Variants in CGNL1 observed in about 807,000 individuals in gnomAD.
CGNL1 encodes cingulin like 1, also known as cingulin-like protein 1.
A neutral mutation model predicts 141.2 loss-of-function variants in CGNL1; 132 were observed. The ratio of observed to expected loss-of-function variants is 0.93; its 90% CI spans 0.81 to 1.08. The LOEUF (loss-of-function observed/expected upper bound fraction) is 1.08, where lower values mean the gene tolerates loss of function less well. CGNL1 is among the 50% of genes least tolerant of loss of function. The pLI is 0.00. For synonymous variants in CGNL1, 690 were observed against 622.1 expected (o/e 1.11, Z -1.63); for missense variants, 1,870 against 1,588.6 (o/e 1.18, Z -3.01).
At chr15:57,524,282 A>G (rs1248989827) in intron 11 of CGNL1, among the ~76,000 whole-genome samples, 1 of 152,214 alleles carries the variant, frequency 6.6e-6, no homozygotes, top group African/African-American at 2.4e-5. Flanking sequence ...CAGTGTGGAC[A>G]TGGCCAGGGC....
intron 1 of CGNL1, among the ~76,000 whole-genome samples, chr15:57,405,799 T>C (rs868809599): frequency 1.9e-4 from 15 of 79,544 alleles, no homozygotes; most frequent in Middle Eastern, 5.7e-3. Flanking sequence ...TCTTTCTTTC[T>C]TTCTTTCTTT....
At chr15:57,476,243 G>A (rs2063656138) in intron 8 of CGNL1, among the ~76,000 whole-genome samples, 2 of 152,288 alleles carry the variant, frequency 1.3e-5, no homozygotes, top group South Asian at 4.1e-4. Flanking sequence ...AGGGAGTGAG[G>A]CTTGGGTGAG....
chr15:57,482,920 G>A (rs1196522085), intron 8 of CGNL1, among the ~76,000 whole-genome samples: 1 of 152,014 alleles, frequency 6.6e-6, no homozygotes, highest in East Asian at 1.9e-4. Context: ...AAGTAGCTGG[G>A]ATTACAGGCA....
chr15:57,452,316 C>T (rs1417880142), intron 6 of CGNL1, 27 bp downstream of exon 6: 1 of 1,603,394 alleles, frequency 6.2e-7, no homozygotes. Context: ...GAGCCTGTTG[C>T]CCTTCCCAGG....
chr15:57,496,439 C>T (rs1244308060), intron 8 of CGNL1, among the ~76,000 whole-genome samples: 5 of 152,042 alleles, frequency 3.3e-5, no homozygotes, highest in African/African-American at 9.7e-5. Flanking sequence ...GTTGCATTCT[C>T]GTTATGAGAA....
At chr15:57,440,818 T>A (rs1462112902) in intron 3 of CGNL1, among the ~76,000 whole-genome samples, 3 of 152,178 alleles carry the variant, frequency 2.0e-5, no homozygotes, top group Admixed American at 6.5e-5. Context: ...CCGTGCAATG[T>A]GGTAGTCCTT....
intron 1 of CGNL1, among the ~76,000 whole-genome samples, chr15:57,427,041 G>C (rs1365757023): frequency 6.6e-6 from 1 of 152,130 alleles, no homozygotes; most frequent in East Asian, 1.9e-4. Flanking sequence ...GGGCTGGTGA[G>C]AGCAAGGCAC....
chr15:57,419,307 C>A (rs1489200695), intron 1 of CGNL1, among the ~76,000 whole-genome samples: 4 of 152,176 alleles, frequency 2.6e-5, no homozygotes, highest in Non-Finnish European at 5.9e-5. Context: ...TTGCAAAGAT[C>A]ATACAGAAAC....
chr15:57,412,826 CCTT>C (rs2062805426), intron 1 of CGNL1, among the ~76,000 whole-genome samples: 1 of 152,202 alleles, frequency 6.6e-6, no homozygotes, highest in Non-Finnish European at 1.5e-5. Context: ...CTACTCCCCT[CCTT>C]CTGTACCCAG....
chr15:57,465,978 G>T (rs1298617562), intron 8 of CGNL1, among the ~76,000 whole-genome samples: 1 of 152,236 alleles, frequency 6.6e-6, no homozygotes, highest in African/African-American at 2.4e-5. Flanking sequence ...AGAACAGTTT[G>T]ATTGCTCAGT....
intron 1 of CGNL1, among the ~76,000 whole-genome samples, chr15:57,414,576 T>C (rs189404470): frequency 4.9e-4 from 74 of 152,258 alleles, no homozygotes; most frequent in African/African-American, 1.8e-3. Context: ...AAACTAGATA[T>C]ATCATTTCCA....
At chr15:57,406,653 G>A (rs989494816) in intron 1 of CGNL1, among the ~76,000 whole-genome samples, 2 of 152,124 alleles carry the variant, frequency 1.3e-5, no homozygotes, top group Admixed American at 6.5e-5. Flanking sequence ...CAGGAAACCC[G>A]ACACCCGTCT....
At position 57,438,267 on chromosome 15, in the gene CGNL1, A is replaced by C. The variant is rs775264968; in HGVS notation, c.268A>C (p.Asn90His). 1.9e-6 allele frequency: 3 copies of C among 1,614,062 alleles called. No homozygotes were observed. In the South Asian group the frequency reaches 3.3e-5, roughly 18 times the overall value. Residue 90 changes from asparagine to histidine, a missense_variant, in exon 2 of 19, where the codon AAT becomes CAT. Transcript: ENST00000281282. ...AAATAACCTGCCTCTACATTCCAGC[A>C]ATGGTTCTGTGCCAAAGGAGAACAG... ...VINNLPLHSS[N>H]GSVPKENSEE...
intron 8 of CGNL1, among the ~76,000 whole-genome samples, chr15:57,480,459 G>C (rs561066267): frequency 2.0e-5 from 3 of 152,290 alleles, no homozygotes; most frequent in African/African-American, 7.2e-5. Flanking sequence ...GGCGGAGGTT[G>C]CAGTGAGCTG....
At chr15:57,396,277 G>GTTTTTTTTTTTTTTTTTTTTTTTTTT (rs57154500) in intron 1 of CGNL1, among the ~76,000 whole-genome samples, 1 of 129,218 alleles carries the variant, frequency 7.7e-6, no homozygotes, top group African/African-American at 2.9e-5. Flanking sequence ...TTCTTTCTTT[G>GTTTTTTTTTTTTTTTTTTTTTTTTTT]TTTTTTTTTT....
At chr15:57,384,705 C>G (rs2062463179) in intron 1 of CGNL1, among the ~76,000 whole-genome samples, 1 of 152,168 alleles carries the variant, frequency 6.6e-6, no homozygotes, top group Admixed American at 6.5e-5. Flanking sequence ...TTGCCATAAA[C>G]TTTCAAACAA....
At position 57,546,112 on chromosome 15, in the gene CGNL1, G is replaced by A; in HGVS notation, c.3646G>A (p.Glu1216Lys). ...TTTGAAAGCCATGAAGCGGCAGGTG[G>A]AGGAGGCTGAGGAGGAAATCGACAG... is the stretch of plus-strand genomic sequence containing the variant. Reference protein sequence around the residue: ...LRLKAMKRQVEEAEEEIDRLE... With the variant: ...LRLKAMKRQVKEAEEEIDRLE... Residue 1216 changes from glutamate (E) to lysine (K), a missense_variant, in exon 18 of 19, where the codon GAG becomes AAG. By Grantham distance (56) the Glu-to-Lys change is moderately conservative. Transcript: ENST00000281282. 1 of 1,613,986 alleles carries A rather than the reference G, an allele frequency of 6.2e-7. No individual in the cohort carries two copies. The highest frequency in any genetic ancestry group is 8.5e-7 in the Non-Finnish European group (1 of 1,179,974).
At chr15:57,449,930 T>C (rs769504795) in intron 4 of CGNL1, among the ~76,000 whole-genome samples, 25 of 152,216 alleles carry the variant, frequency 1.6e-4, no homozygotes, top group Non-Finnish European at 3.4e-4. Context: ...TTCCATTGTC[T>C]GATATACCAC....
intron 8 of CGNL1, among the ~76,000 whole-genome samples, chr15:57,514,305 C>T (rs1455067052): frequency 6.6e-6 from 1 of 152,066 alleles, no homozygotes. Flanking sequence ...GTGTGCACCA[C>T]CACACCTGGC....
Sources: allele counts gnomAD v4.1 joint callset (sites outside exome capture counted in the v4.1 genomes callset), GRCh38; gene constraint gnomAD v4.1.1; transcripts MANE v1.5; gene names NCBI Gene and HGNC (gene_info 2026-07-23, HGNC 2026-07-21).